Variants in SDK1 observed in about 807,000 individuals in gnomAD.
SDK1 encodes the protein sidekick cell adhesion molecule 1, also known as protein sidekick-1.
Under a neutral mutation model 245.5 loss-of-function variants are expected in SDK1, and 157 were observed. The ratio of observed to expected loss-of-function variants is 0.64; its 90% CI spans 0.56 to 0.73. The LOEUF (loss-of-function observed/expected upper bound fraction) is 0.73, where lower values mean the gene tolerates loss of function less well. Among genes scored for constraint, SDK1 ranks in the 30% least tolerant of loss-of-function variants. The pLI, the probability that SDK1 is intolerant of heterozygous loss-of-function variation, is 0.00. For synonymous variants in SDK1, 1,647 were observed against 1,278.5 expected, an observed-to-expected ratio of 1.29 and a Z score of -6.15; for missense variants, 3,583 against 3,002.3, an observed-to-expected ratio of 1.19 and a Z score of -4.52.
At chr7:4,236,956 G>C (rs1170255772) in intron 41 of SDK1, among the ~76,000 whole-genome samples, 1 of 152,142 alleles carries the variant, frequency 6.6e-6, no homozygotes, top group Non-Finnish European at 1.5e-5. Context: ...ACCCAGGCTG[G>C]AGTGCAGTGC....
rs561333760 is a variant in SDK1, at chr7:4,223,088, A to T, written c.5827+1724A>T. Among the ~76,000 whole-genome samples the T allele has an allele frequency of 2.0e-5, 3 of 152,198 alleles. No individual in the cohort carries two copies. In the East Asian group the frequency reaches 5.8e-4, roughly 29 times the overall value. ...ACAGAGCAAGGCTCCGTCTCAAAAA[A>T]AAAAAAAAAAGTTTCTAGAAGGCAC... On this transcript the variant is annotated intron_variant, in intron 40 of 44. Coordinates refer to ENST00000404826, the MANE Select transcript of SDK1 (RefSeq NM_152744.4).
At chr7:3,330,867 A>C (rs909015890) in intron 1 of SDK1, among the ~76,000 whole-genome samples, 1 of 149,632 alleles carries the variant, frequency 6.7e-6, no homozygotes, top group African/African-American at 2.5e-5. Flanking sequence ...ATCTACTTGG[A>C]AGGCTGAGTT....
chr7:4,161,807 C>G lies in SDK1; in HGVS notation c.4751C>G (p.Ser1584Cys), dbSNP rs1186827778. ...TCAGTTCCAGGAGAGCCCCCGGGATCTGTCTCAGCGACGCCACACACCACG... is the reference window on the plus strand; with the variant it reads ...TCAGTTCCAGGAGAGCCCCCGGGATGTGTCTCAGCGACGCCACACACCACG... ...LQDVPGEPPG[S>C]VSATPHTTSS... Residue 1584 changes from serine to cysteine, a missense_variant, in exon 32 of 45, where the codon TCT becomes TGT. Ser to Cys is a moderately radical substitution (Grantham distance 112). Coordinates refer to ENST00000404826, the MANE Select transcript of SDK1 (RefSeq NM_152744.4). The G allele has an allele frequency of 1.9e-6, 3 of 1,614,018 alleles. No individual in the cohort carries two copies. The highest frequency in any genetic ancestry group is 2.2e-5 in the East Asian group (1 of 44,888).
At chr7:3,575,985 G>A (rs1202595356) in intron 1 of SDK1, among the ~76,000 whole-genome samples, 3 of 151,942 alleles carry the variant, frequency 2.0e-5, no homozygotes, top group Non-Finnish European at 2.9e-5. Flanking sequence ...TGGGCTTTCT[G>A]CTCTTGTGAA....
intron 4 of SDK1, among the ~76,000 whole-genome samples, chr7:3,809,776 C>A (rs1203282512): frequency 1.3e-5 from 2 of 152,194 alleles, no homozygotes; most frequent in African/African-American, 2.4e-5. Context: ...AGGGTCAAGT[C>A]CTCTGCCTGG....
intron 1 of SDK1, among the ~76,000 whole-genome samples, chr7:3,354,412 T>C (rs1248082810): frequency 1.3e-5 from 2 of 152,218 alleles, no homozygotes; most frequent in African/African-American, 4.8e-5. Context: ...AAGTTGAATA[T>C]AAGGAAAAAG....
At chr7:3,788,637 A>G (rs1056403830) in intron 4 of SDK1, among the ~76,000 whole-genome samples, 1 of 152,188 alleles carries the variant, frequency 6.6e-6, no homozygotes, top group Non-Finnish European at 1.5e-5. Flanking sequence ...CACATAAAAT[A>G]TACTAACACT....
intron 1 of SDK1, among the ~76,000 whole-genome samples, chr7:3,338,867 A>T (rs1401005031): frequency 6.6e-6 from 1 of 152,202 alleles, no homozygotes; most frequent in Non-Finnish European, 1.5e-5. Context: ...TGAAGGTGGA[A>T]TTATTAAAAA....
intron 1 of SDK1, among the ~76,000 whole-genome samples, chr7:3,329,548 C>T (rs1780016828): frequency 6.6e-6 from 1 of 152,142 alleles, no homozygotes; most frequent in African/African-American, 2.4e-5. Flanking sequence ...ACACCCTACC[C>T]TAGGGGAACC....
chr7:3,699,370 A>G (rs1784674750), intron 4 of SDK1, among the ~76,000 whole-genome samples: 1 of 152,178 alleles, frequency 6.6e-6, no homozygotes, highest in Admixed American at 6.5e-5. Context: ...AATTACAAAC[A>G]TGCTGGAAAT....
At chr7:3,357,536 T>C (rs905292188) in intron 1 of SDK1, among the ~76,000 whole-genome samples, 1 of 151,096 alleles carries the variant, frequency 6.6e-6, no homozygotes, top group Non-Finnish European at 1.5e-5. Flanking sequence ...TTTGTAGAGA[T>C]GGGGTCTTGT....
intron 1 of SDK1, among the ~76,000 whole-genome samples, chr7:3,400,427 G>C (rs73296377): frequency 0.011 from 1,611 of 152,130 alleles, 31 homozygotes; most frequent in African/African-American, 0.037. Flanking sequence ...CCCCAACTTC[G>C]AATGGATGAA....
chr7:3,879,503 C>T (rs1781153810), intron 5 of SDK1, among the ~76,000 whole-genome samples: 1 of 152,114 alleles, frequency 6.6e-6, no homozygotes, highest in African/African-American at 2.4e-5. Context: ...GACCCCACGC[C>T]CTTTTCAAGG....
At chr7:4,050,271 T>C (rs573052224) in intron 18 of SDK1, among the ~76,000 whole-genome samples, 5 of 152,334 alleles carry the variant, frequency 3.3e-5, no homozygotes, top group African/African-American at 1.2e-4. Context: ...CAATTTGCAT[T>C]CAACTTACTA....
At chr7:4,054,086 C>T (rs28494068) in intron 19 of SDK1, among the ~76,000 whole-genome samples, 8,370 of 151,998 alleles carry the variant, frequency 0.055, 497 homozygotes, top group African/African-American at 0.14. Flanking sequence ...TTACAGGCAC[C>T]GGCCACCACG....
At chr7:3,692,551 G>C (rs1784464889) in intron 4 of SDK1, among the ~76,000 whole-genome samples, 1 of 151,384 alleles carries the variant, frequency 6.6e-6, no homozygotes, top group African/African-American at 2.4e-5. Context: ...TGTTTATTTG[G>C]GTACATTTCA....
intron 13 of SDK1, among the ~76,000 whole-genome samples, chr7:3,981,319 G>A (rs1489479862): frequency 2.0e-5 from 3 of 152,106 alleles, no homozygotes; most frequent in Non-Finnish European, 4.4e-5. Context: ...CCACCAACAG[G>A]CCATTCCCTG....
chr7:3,464,698 GTATATATATA>G (rs141577885), intron 1 of SDK1, among the ~76,000 whole-genome samples: 1 of 148,050 alleles, frequency 6.8e-6, no homozygotes, highest in East Asian at 2.0e-4. Context: ...GTGTATGTAT[GTATATATATA>G]TATATATACA....
chr7:3,480,959 G>C (rs1049544112), intron 1 of SDK1, among the ~76,000 whole-genome samples: 1 of 152,136 alleles, frequency 6.6e-6, no homozygotes, highest in African/African-American at 2.4e-5. Flanking sequence ...TGTGTTTTAA[G>C]TGTGTCTCTG....
Sources: gnomAD v4.1 joint callset for allele counts (sites outside exome capture counted in the v4.1 genomes callset) on GRCh38, gnomAD v4.1.1 for gene constraint, MANE v1.5 for transcripts, NCBI Gene and HGNC (gene_info 2026-07-23, HGNC 2026-07-21) for gene names.